The following TECR variants were observed in gnomAD, a reference collection of about 807,000 sequenced individuals.
TECR encodes the protein trans-2,3-enoyl-CoA reductase, also known as very-long-chain enoyl-CoA reductase.
In TECR, 19 loss-of-function variants were observed where a neutral mutation model predicts 50.6. The ratio of observed to expected loss-of-function variants is 0.38; its 90% CI spans 0.26 to 0.55. The LOEUF is 0.55. TECR is among the 20% of genes least tolerant of loss of function. The pLI is 0.79. For missense variants in TECR, 313 were observed against 408.3 expected, an observed-to-expected ratio of 0.77 and a Z score of 2.01; for synonymous variants, 168 against 163.5, an observed-to-expected ratio of 1.03 and a Z score of -0.21.
intron 1 of TECR, among the ~76,000 whole-genome samples, chr19:14,537,137 TGAG>T (rs1017967014): frequency 2.9e-5 from 3 of 102,744 alleles, no homozygotes; most frequent in South Asian, 7.7e-4. Context: ...TTCCTGAGGA[TGAG>T]GAGGTAGGGC....
intron 7 of TECR, 61 bp downstream of exon 7, chr19:14,564,348 C>T: frequency 1.6e-6 from 2 of 1,287,092 alleles, no homozygotes; most frequent in South Asian, 2.6e-5. Context: ...CCGCCCCGCC[C>T]CCACCGAGCC....
At position 14,542,355 on chromosome 19, in the gene TECR, T is replaced by G. The variant is rs891021626; in HGVS notation, c.15+12644T>G. On this transcript the variant is annotated intron_variant, in intron 1 of 12. Coordinates refer to ENST00000215567, the MANE Select transcript of TECR (RefSeq NM_138501.6). The stretch of plus-strand genomic sequence containing the variant: ...GGCCCTCATGCCATAGTGTTTTTTT[T>G]TTTTTTTTTTTTTTTTTTTTTCTGA... Among the ~76,000 whole-genome samples, 72 of 120,774 alleles carry G rather than the reference T, an allele frequency of 6.0e-4. 1 individual carries two copies. The highest frequency in any genetic ancestry group is 2.3e-3 in the African/African-American group (69 of 30,144). 79.2% of individuals were successfully genotyped at this position (120,774 alleles called of 152,430 possible). A position where few individuals can be genotyped will look rare whatever the true frequency, so the allele number is the denominator to read the frequency against.
intron 1 of TECR, among the ~76,000 whole-genome samples, chr19:14,542,674 T>A (rs1346245074): frequency 6.6e-6 from 1 of 152,160 alleles, no homozygotes; most frequent in Non-Finnish European, 1.5e-5. Flanking sequence ...CCATGGTGTT[T>A]GTAATAAAAA....
At chr19:14,548,017 G>A (rs1345542001) in intron 1 of TECR, among the ~76,000 whole-genome samples, 2 of 148,264 alleles carry the variant, frequency 1.3e-5, no homozygotes, top group Non-Finnish European at 3.0e-5. Flanking sequence ...AGGCTGGAGT[G>A]CAGTGGTGTG....
chr19:14,544,191 G>C (rs189956065), intron 1 of TECR, among the ~76,000 whole-genome samples: 1 of 151,982 alleles, frequency 6.6e-6, no homozygotes, highest in Admixed American at 6.6e-5. Context: ...CCTCCGAGAA[G>C]CCTCTGCCCC....
chr19:14,529,624 G>C lies in TECR; in HGVS notation c.-73G>C, dbSNP rs374570462. ...GTCTATCGCTGCGGTTGCGAGCGCTGTAGGGAGCCTGTGCTGTGCCGCGCA... is the reference window on the plus strand; with the variant it reads ...GTCTATCGCTGCGGTTGCGAGCGCTCTAGGGAGCCTGTGCTGTGCCGCGCA... On this transcript the variant is annotated 5_prime_UTR_variant, in exon 1 of 13. Coordinates refer to ENST00000215567, the MANE Select transcript of TECR (RefSeq NM_138501.6). The C allele has an allele frequency of 5.0e-6, 8 of 1,611,510 alleles. No homozygotes were observed. Among genetic ancestry groups the C allele is most frequent in the Non-Finnish European group, 5.1e-6 (6 of 1,178,096 alleles).
chr19:14,552,363 C>T (rs1022553345), intron 1 of TECR, among the ~76,000 whole-genome samples: 19 of 150,480 alleles, frequency 1.3e-4, no homozygotes, highest in African/African-American at 4.4e-4. Flanking sequence ...TGCACATAGC[C>T]CTGCTCTCTA....
intron 1 of TECR, among the ~76,000 whole-genome samples, chr19:14,533,197 A>G (rs1305937247): frequency 2.0e-5 from 3 of 152,036 alleles, no homozygotes; most frequent in African/African-American, 7.2e-5. Context: ...AAGGTGGGCA[A>G]ATCATGTGAG....
chr19:14,562,443 CCT>C, intron 1 of TECR, 80 bp from the exon 2 acceptor site: 1 of 1,543,646 alleles, frequency 6.5e-7, no homozygotes, highest in Non-Finnish European at 9.0e-7. Context: ...CCCCAGGCCT[CCT>C]CCCTGGCCTC....
At chr19:14,535,578 ATATATATATATGTATG>A (rs1354468129) in intron 1 of TECR, among the ~76,000 whole-genome samples, 10 of 39,984 alleles carry the variant, frequency 2.5e-4, no homozygotes, top group African/African-American at 7.0e-4. Flanking sequence ...ATATATATAT[ATATATATATATGTATG>A]TATATATAAA....
At chr19:14,565,474 G>C (rs1018644826) in intron 11 of TECR, 144 bp from the exon 12 acceptor site, 3 of 1,400,776 alleles carry the variant, frequency 2.1e-6, no homozygotes, top group Non-Finnish European at 2.9e-6. Flanking sequence ...GGCTTCCGCC[G>C]TATACAGCCC....
chr19:14,552,783 G>A (rs375023447), intron 1 of TECR, among the ~76,000 whole-genome samples: 17 of 151,664 alleles, frequency 1.1e-4, no homozygotes, highest in African/African-American at 3.9e-4. Context: ...TGATCCACCC[G>A]CCTCGGCCTC....
At chr19:14,536,923 C>A (rs4926126) in intron 1 of TECR, among the ~76,000 whole-genome samples, 1 of 145,972 alleles carries the variant, frequency 6.9e-6, no homozygotes, top group South Asian at 2.2e-4. Flanking sequence ...CGGCCCTACT[C>A]ACCTCTGGAC....
At chr19:14,529,841 G>C (rs2072552242) in intron 1 of TECR, 130 bp downstream of exon 1, 1 of 1,288,798 alleles carries the variant, frequency 7.8e-7, no homozygotes, top group Non-Finnish European at 1.1e-6. Context: ...GGCGCAGTGG[G>C]CAAGCGTTGC....
At chr19:14,545,284 A>G (rs754165960) in intron 1 of TECR, 2 of 449,006 alleles carry the variant, frequency 4.5e-6, no homozygotes, top group Admixed American at 2.4e-5. Context: ...CGCTTCCCCA[A>G]AGCTCTGTGC....
chr19:14,553,358 G>A (rs1013669812), intron 1 of TECR, among the ~76,000 whole-genome samples: 4 of 152,136 alleles, frequency 2.6e-5, no homozygotes, highest in East Asian at 1.9e-4. Flanking sequence ...GGAGCAGAGC[G>A]GTCCAGGGAC....
In TECR at chr19:14,565,598, C is replaced by G. The variant is rs990260125; in HGVS notation, c.754-20C>G. ...CGGGTTGCGAGGCTGCCCACGCTCA[C>G]TCTCCGCCCCTGCCCACAGGTGGGG... is the stretch of plus-strand genomic sequence containing the variant. On this transcript the variant is annotated intron_variant, in intron 11 of 12. Transcript: ENST00000215567. The G allele has an allele frequency of 1.9e-6, 3 of 1,607,698 alleles. No individual in the cohort carries two copies. The highest frequency in any genetic ancestry group is 2.5e-6 in the Non-Finnish European group (3 of 1,178,568).
chr19:14,538,870 C>T (rs1014047263), intron 1 of TECR, among the ~76,000 whole-genome samples: 4 of 151,774 alleles, frequency 2.6e-5, no homozygotes, highest in Non-Finnish European at 5.9e-5. Context: ...GTCCACCAGG[C>T]GCCAGGAGAC....
At chr19:14,537,565 G>C (rs374778048) in intron 1 of TECR, among the ~76,000 whole-genome samples, 25 of 152,252 alleles carry the variant, frequency 1.6e-4, no homozygotes, top group African/African-American at 6.0e-4. Flanking sequence ...GCCTGGCTGC[G>C]TGAGAAAGGC....
Sources: allele counts gnomAD v4.1 joint callset (sites outside exome capture counted in the v4.1 genomes callset), GRCh38; gene constraint gnomAD v4.1.1; transcripts MANE v1.5; gene names NCBI Gene and HGNC (gene_info 2026-07-23, HGNC 2026-07-21).